Variants in COPG2 observed in about 807,000 individuals in gnomAD.
COPG2 encodes the protein coat protein complex I subunit gamma 2.
Under a neutral mutation model 46.3 loss-of-function variants are expected in COPG2, and 37 were observed. That is an observed-to-expected ratio of 0.80 (90% CI 0.61 to 1.05). COPG2 has a LOEUF of 1.05. COPG2 is among the 50% of genes least tolerant of loss of function. The probability of loss-of-function intolerance (pLI) is 0.00; values close to 1 mark genes in which losing one functional copy is unlikely to be tolerated. For missense variants in COPG2, 427 were observed against 387.8 expected (o/e 1.10, Z -0.85); for synonymous variants, 159 against 129.7 (o/e 1.23, Z -1.53).
chr7:130,572,411 T>C (rs1215522755), intron 9 of COPG2, among the ~76,000 whole-genome samples: 1 of 152,042 alleles, frequency 6.6e-6, no homozygotes, highest in African/African-American at 2.4e-5. Context: ...ACTGTAAAAA[T>C]ACAAATTCTT....
chr7:130,668,612 C>T lies in COPG2; in HGVS notation c.37+20G>A. ...GGGCGTCCCGCGGCTGAGGGTGGGC[C>T]TCGGAAGCCCCGCGCGTACCAGACT... is the stretch of plus-strand genomic sequence containing the variant. On this transcript the variant is annotated intron_variant, in intron 1 of 23. Coordinates refer to ENST00000425248, the MANE Select transcript of COPG2 (RefSeq NM_012133.6). 1 of 1,522,488 alleles carries T rather than the reference C, an allele frequency of 6.6e-7. No individual in the cohort carries two copies. The highest frequency in any genetic ancestry group is 8.8e-7 in the Non-Finnish European group (1 of 1,136,448). The allele number at this position is 1,522,488 out of a possible 1,614,324, so 94.3% of individuals were successfully genotyped here.
intron 5 of COPG2, among the ~76,000 whole-genome samples, chr7:130,633,989 T>A (rs1360446458): frequency 1.3e-5 from 2 of 152,208 alleles, no homozygotes; most frequent in Admixed American, 1.3e-4. Context: ...CCTTTCCCCA[T>A]TGCTTGTTTT....
At chr7:130,527,440 C>A (rs1214544283) in intron 20 of COPG2, among the ~76,000 whole-genome samples, 1 of 123,858 alleles carries the variant, frequency 8.1e-6, no homozygotes. Context: ...CTGTCCACAG[C>A]AGTGATTCTT....
chr7:130,613,249 T>C (rs1002866490), intron 7 of COPG2, among the ~76,000 whole-genome samples: 9 of 151,984 alleles, frequency 5.9e-5, no homozygotes, highest in African/African-American at 2.2e-4. Context: ...CGAGCTCCTA[T>C]GAGAATCTCA....
chr7:130,647,633 GTTCCAA>G (rs1795641072), intron 5 of COPG2, among the ~76,000 whole-genome samples: 1 of 151,014 alleles, frequency 6.6e-6, no homozygotes, highest in Non-Finnish European at 1.5e-5. Flanking sequence ...AGTTTCAATT[GTTCCAA>G]ATGTTCGATA....
chr7:130,509,975 C>T, intron 20 of COPG2: 1 of 473,884 alleles, frequency 2.1e-6, no homozygotes, highest in Non-Finnish European at 4.2e-6. Flanking sequence ...AGAAAGTCCA[C>T]CGGGCAGCTG....
intron 3 of COPG2, among the ~76,000 whole-genome samples, chr7:130,665,835 CAAA>C (rs199850330): frequency 1.2e-4 from 9 of 74,310 alleles, no homozygotes; most frequent in Admixed American, 1.5e-4. Context: ...AAGTCTGGGG[CAAA>C]AAAAAAAAAA....
chr7:130,534,501 T>C (rs931533021), intron 20 of COPG2, among the ~76,000 whole-genome samples: 2 of 151,092 alleles, frequency 1.3e-5, no homozygotes, highest in Non-Finnish European at 3.0e-5. Context: ...GAGGCTCCAA[T>C]GGGGGTGGGG....
intron 5 of COPG2, among the ~76,000 whole-genome samples, chr7:130,627,235 G>C (rs532519208): frequency 6.6e-6 from 1 of 152,158 alleles, no homozygotes; most frequent in Non-Finnish European, 1.5e-5. Flanking sequence ...TCAGGGAAAA[G>C]AAGTCAGGCT....
In COPG2 at chr7:130,506,505, C is replaced by A. The variant is rs2116319119; in HGVS notation, c.*171G>T. 6.6e-6 allele frequency: 3 copies of A among 451,226 alleles called. No individual in the cohort carries two copies. Among genetic ancestry groups the A allele is most frequent in the South Asian group, 4.1e-5 (1 of 24,552 alleles). The allele number at this position is 451,226 out of a possible 1,614,324, so 28.0% of individuals were successfully genotyped here. On this transcript the variant is annotated 3_prime_UTR_variant, in exon 24 of 24. Transcript: ENST00000425248. Reference sequence around the variant, plus strand: ...AAAAAGAAAAAAAAAAAAAAACAACCCATGCGCAAAGATAGACATTTGCTT... The same window carrying A: ...AAAAAGAAAAAAAAAAAAAAACAACACATGCGCAAAGATAGACATTTGCTT...
chr7:130,613,397 CT>C, intron 7 of COPG2, 146 bp downstream of exon 7: 1 of 593,230 alleles, frequency 1.7e-6, no homozygotes, highest in Non-Finnish European at 2.9e-6. Flanking sequence ...GGGACCCCTG[CT>C]CTAGATAAAA....
At chr7:130,570,923 C>G (rs376046016) in intron 9 of COPG2, among the ~76,000 whole-genome samples, 159 of 152,180 alleles carry the variant, frequency 1.0e-3, no homozygotes, top group African/African-American at 3.6e-3. Context: ...TGATCTTGAA[C>G]AAAGAAAGCA....
chr7:130,531,598 G>A (rs2116359524), intron 20 of COPG2, among the ~76,000 whole-genome samples: 1 of 152,226 alleles, frequency 6.6e-6, no homozygotes, highest in South Asian at 2.1e-4. Flanking sequence ...ACAAAGAGTG[G>A]GATTCCACCT....
At chr7:130,637,795 A>G (rs782506422) in intron 5 of COPG2, among the ~76,000 whole-genome samples, 10 of 152,178 alleles carry the variant, frequency 6.6e-5, no homozygotes, top group Non-Finnish European at 1.5e-4. Flanking sequence ...CCTTTGGAGA[A>G]GAGGCATTCT....
intron 9 of COPG2, among the ~76,000 whole-genome samples, chr7:130,585,874 G>A (rs1248966781): frequency 1.3e-5 from 2 of 152,062 alleles, no homozygotes; most frequent in Non-Finnish European, 2.9e-5. Flanking sequence ...TGGTGGGAAT[G>A]TAAACTAGTA....
At chr7:130,638,196 C>A (rs1289033722) in intron 5 of COPG2, among the ~76,000 whole-genome samples, 3 of 152,126 alleles carry the variant, frequency 2.0e-5, no homozygotes, top group African/African-American at 7.2e-5. Context: ...TAAGGAGGCA[C>A]AGGGGTCAGG....
chr7:130,632,626 TTTTG>T (rs1289261248), intron 5 of COPG2, among the ~76,000 whole-genome samples: 7 of 152,140 alleles, frequency 4.6e-5, no homozygotes, highest in Admixed American at 4.6e-4. Context: ...GGCTGTTTAT[TTTTG>T]TTTTCTTTTT....
At chr7:130,636,440 T>C (rs182503372) in intron 5 of COPG2, among the ~76,000 whole-genome samples, 94 of 152,338 alleles carry the variant, frequency 6.2e-4, no homozygotes, top group African/African-American at 2.2e-3. Context: ...GCTCTTCTTG[T>C]TGCATTGATC....
intron 9 of COPG2, among the ~76,000 whole-genome samples, chr7:130,584,077 A>G (rs1160773709): frequency 6.6e-6 from 1 of 152,022 alleles, no homozygotes; most frequent in African/African-American, 2.4e-5. Context: ...AATACTAGCT[A>G]ACTGAATCCA....
Sources: allele counts gnomAD v4.1 joint callset (sites outside exome capture counted in the v4.1 genomes callset), GRCh38; gene constraint gnomAD v4.1.1; transcripts MANE v1.5; gene names NCBI Gene and HGNC (gene_info 2026-07-23, HGNC 2026-07-21).